MYO5B: variants seen among roughly 807,000 people sequenced by gnomAD.
MYO5B encodes myosin VB.
A neutral mutation model predicts 229.3 loss-of-function variants in MYO5B; 143 were observed. The ratio of observed to expected loss-of-function variants is 0.62; its 90% CI spans 0.54 to 0.72. The LOEUF is 0.72. Among genes scored for constraint, MYO5B ranks in the 30% least tolerant of loss-of-function variants. The pLI, the probability that MYO5B is intolerant of heterozygous loss-of-function variation, is 0.00. For synonymous variants in MYO5B, 918 were observed against 885.2 expected, an observed-to-expected ratio of 1.04 and a Z score of -0.66; for missense variants, 2,321 against 2,331.0, an observed-to-expected ratio of 1.00 and a Z score of 0.09.
chr18:49,994,900 G>C (rs2025970809), intron 5 of MYO5B, among the ~76,000 whole-genome samples: 1 of 152,152 alleles, frequency 6.6e-6, no homozygotes, highest in Non-Finnish European at 1.5e-5. Flanking sequence ...TTCAACATAA[G>C]CCAGGTCCTG....
intron 25 of MYO5B, among the ~76,000 whole-genome samples, chr18:49,877,529 T>C (rs2024540147): frequency 6.6e-6 from 1 of 152,228 alleles, no homozygotes; most frequent in Non-Finnish European, 1.5e-5. Flanking sequence ...CTTCTTTCCT[T>C]TCTGGATAGG....
rs1479619108 is a variant in MYO5B, at chr18:49,837,711, C to T, written c.4944G>A (p.Gly1648=). The T allele has an allele frequency of 6.2e-6, 10 of 1,614,138 alleles. No homozygotes were observed. The Middle Eastern group carries it at 6.6e-4, about 107-fold the overall frequency. The change falls in exon 37 of 40, where the codon GGG becomes GGA. Residue 1648 remains glycine (G), a synonymous_variant. Coordinates refer to ENST00000285039, the MANE Select transcript of MYO5B (RefSeq NM_001080467.3). ...YRKRSSSMAD[G]DNSYCLEAII... ...TAGCTTCCAGGCAGTATGAGTTATC[C>T]CCATCTGCCATGCTGGAGGAGCGCT... is the stretch of plus-strand genomic sequence containing the variant.
intron 1 of MYO5B, among the ~76,000 whole-genome samples, chr18:50,077,703 A>C (rs2031121472): frequency 6.6e-6 from 1 of 152,240 alleles, no homozygotes; most frequent in Admixed American, 6.5e-5. Flanking sequence ...ACGCAACTTC[A>C]AGAGAGACAC....
At chr18:50,056,754 CT>C (rs80087851) in intron 1 of MYO5B, among the ~76,000 whole-genome samples, 6,743 of 139,966 alleles carry the variant, frequency 0.048, 284 homozygotes, top group East Asian at 0.22. Context: ...TAATCAGAGG[CT>C]TTTTTTTTTT....
chr18:50,022,570 G>A (rs2026287965), intron 4 of MYO5B, among the ~76,000 whole-genome samples: 1 of 152,182 alleles, frequency 6.6e-6, no homozygotes, highest in Admixed American at 6.5e-5. Context: ...ATCAAAACAG[G>A]ATTTTTGGTT....
chr18:50,115,844 A>G lies in MYO5B; in HGVS notation c.28-60466T>C, dbSNP rs895690755. ...GGGAGGGGGGAGGGTAGTGGTAGGT[A>G]AAGTTCTGGATTTTTTTCATTGTTT... On this transcript the variant is annotated intron_variant, in intron 1 of 39. Transcript: ENST00000285039. Among the ~76,000 whole-genome samples, 7 of 152,222 alleles carry G rather than the reference A, an allele frequency of 4.6e-5. No homozygotes were observed. In the South Asian group the frequency reaches 1.5e-3, roughly 32 times the overall value.
At chr18:49,872,504 T>C (rs1273123343) in intron 26 of MYO5B, among the ~76,000 whole-genome samples, 2 of 148,286 alleles carry the variant, frequency 1.3e-5, no homozygotes, top group African/African-American at 2.5e-5. Flanking sequence ...TGTATAGCAC[T>C]GTGTTATGGC....
At chr18:50,180,405 T>C (rs2033056466) in intron 1 of MYO5B, among the ~76,000 whole-genome samples, 1 of 152,152 alleles carries the variant, frequency 6.6e-6, no homozygotes, top group Admixed American at 6.5e-5. Flanking sequence ...AGTCTAGAGG[T>C]TATGCCTAAG....
intron 1 of MYO5B, among the ~76,000 whole-genome samples, chr18:50,057,638 C>A (rs1290051488): frequency 6.6e-6 from 1 of 152,112 alleles, no homozygotes; most frequent in Non-Finnish European, 1.5e-5. Flanking sequence ...ATGTACCTTT[C>A]TAGTTATATA....
intron 2 of MYO5B, among the ~76,000 whole-genome samples, chr18:50,041,054 A>T (rs1248931121): frequency 1.3e-5 from 2 of 152,170 alleles, no homozygotes; most frequent in Admixed American, 1.3e-4. Context: ...GGTAGTGGGG[A>T]TGTTTTTAAA....
intron 22 of MYO5B, among the ~76,000 whole-genome samples, chr18:49,882,319 T>C (rs1451313089): frequency 2.0e-5 from 3 of 148,130 alleles, no homozygotes; most frequent in Non-Finnish European, 3.0e-5. Context: ...ATAAACCTGT[T>C]TCCCCCTCTA....
rs191202140 is a variant in MYO5B, at chr18:49,902,603, G to A, written c.2802C>T (p.Ile934=). Residue 934 remains isoleucine (I), a synonymous_variant, in exon 21 of 40, where the codon ATC becomes ATT. Coordinates refer to ENST00000285039, the MANE Select transcript of MYO5B (RefSeq NM_001080467.3). ...ENKVVQLQRK[I]DEQNKEFKTL... is the part of the protein sequence containing the mutation. ...AGCTGCAGACACTGACCTGCTCATC[G>A]ATCTTCCGCTGCAGCTGGACCACCT... The A allele has an allele frequency of 6.3e-5, 102 of 1,612,256 alleles. No homozygotes were observed. In the East Asian group the frequency reaches 1.5e-3, roughly 23 times the overall value.
chr18:50,122,634 GGAGA>G (rs778675940), intron 1 of MYO5B, among the ~76,000 whole-genome samples: 4 of 9,258 alleles, frequency 4.3e-4, no homozygotes, highest in African/African-American at 1.4e-3. Flanking sequence ...GAAGGGGGGG[GGAGA>G]GAGAGAGAGA....
At chr18:49,966,705 C>T (rs1326031770) in intron 10 of MYO5B, among the ~76,000 whole-genome samples, 1 of 152,244 alleles carries the variant, frequency 6.6e-6, no homozygotes, top group East Asian at 1.9e-4. Context: ...TAGCACTCCA[C>T]AAAGAACATT....
intron 32 of MYO5B, among the ~76,000 whole-genome samples, chr18:49,848,195 C>T (rs2144050563): frequency 6.6e-6 from 1 of 152,332 alleles, no homozygotes; most frequent in Admixed American, 6.5e-5. Context: ...CATGGAAACA[C>T]TATGACACAG....
chr18:49,947,639 G>T (rs1237545421), intron 14 of MYO5B, among the ~76,000 whole-genome samples: 1 of 152,108 alleles, frequency 6.6e-6, no homozygotes, highest in Non-Finnish European at 1.5e-5. Context: ...CAGTAAGAGA[G>T]CTGCCACAAT....
chr18:49,938,563 T>C (rs922155195), intron 14 of MYO5B, among the ~76,000 whole-genome samples: 1 of 152,094 alleles, frequency 6.6e-6, no homozygotes, highest in African/African-American at 2.4e-5. Context: ...CTCTGCTCCT[T>C]CTCACCTACC....
chr18:50,161,314 G>T (rs1222445797), intron 1 of MYO5B, among the ~76,000 whole-genome samples: 1 of 152,146 alleles, frequency 6.6e-6, no homozygotes, highest in Non-Finnish European at 1.5e-5. Flanking sequence ...AACTTGGGAG[G>T]TGGAGGTTGC....
At position 50,021,427 on chromosome 18, in the gene MYO5B, A is replaced by C. The variant is rs867317069; in HGVS notation, c.455+15423T>G. Among the ~76,000 whole-genome samples, 33 of 151,966 alleles carry C rather than the reference A, an allele frequency of 2.2e-4. No individual in the cohort carries two copies. In the Middle Eastern group the frequency reaches 0.01, roughly 47 times the overall value. The stretch of plus-strand genomic sequence containing the variant: ...ACTCGGTGCCTTTGGCCATCACTCT[A>C]CCTCTCAGGGCCTCAGCTCTCAAGA... On this transcript the variant is annotated intron_variant, in intron 4 of 39. Coordinates refer to ENST00000285039, the MANE Select transcript of MYO5B (RefSeq NM_001080467.3).
Sources: gnomAD v4.1 joint callset for allele counts (sites outside exome capture counted in the v4.1 genomes callset) on GRCh38, gnomAD v4.1.1 for gene constraint, MANE v1.5 for transcripts, NCBI Gene and HGNC (gene_info 2026-07-23, HGNC 2026-07-21) for gene names.